The following TM9SF4 variants were observed in gnomAD, a reference collection of about 807,000 sequenced individuals.
The protein encoded by TM9SF4 is dinucleotide oxidase disulfide thiol exchanger 3 superfamily member 4.
TM9SF4 carries 26 observed loss-of-function variants against 90.4 expected under a neutral mutation model. The observed-to-expected ratio is 0.29, with a 90% CI of 0.21 to 0.40. The LOEUF (loss-of-function observed/expected upper bound fraction) is 0.40, where lower values mean the gene tolerates loss of function less well. Ranked by LOEUF, TM9SF4 falls within the 10% of genes least tolerant of loss-of-function variation. TM9SF4 has a pLI of 1.00. For synonymous variants in TM9SF4, 293 were observed against 315.4 expected, an observed-to-expected ratio of 0.93 and a Z score of 0.75; for missense variants, 549 against 834.8, an observed-to-expected ratio of 0.66 and a Z score of 4.22.
At chr20:32,154,381 T>A (rs1351374746) in intron 12 of TM9SF4, among the ~76,000 whole-genome samples, 2 of 152,094 alleles carry the variant, frequency 1.3e-5, no homozygotes, top group Admixed American at 1.3e-4. Flanking sequence ...GCTCAAGCGA[T>A]TCTGGAGGTA....
chr20:32,113,030 A>G (rs559731807), intron 1 of TM9SF4, among the ~76,000 whole-genome samples: 20 of 152,286 alleles, frequency 1.3e-4, no homozygotes, highest in Admixed American at 1.3e-3. Context: ...ACCCTCATAC[A>G]CACCCTCATT....
chr20:32,146,327 C>T (rs2046761981), intron 8 of TM9SF4, among the ~76,000 whole-genome samples: 2 of 152,144 alleles, frequency 1.3e-5, no homozygotes, highest in Admixed American at 6.6e-5. Context: ...CAGAGTGAGC[C>T]TCGAAGCACG....
chr20:32,150,838 C>T lies in TM9SF4; in HGVS notation c.1208C>T (p.Thr403Ile). 6.2e-7 allele frequency: 1 copy of T among 1,614,220 alleles called. No homozygotes were observed. Among genetic ancestry groups the T allele is most frequent in the Non-Finnish European group, 8.5e-7 (1 of 1,180,048 alleles). ...TTTTCTGCTGGCCGTCTGTACCGCA[C>T]TTTAAAAGGCCATCGGTGGAAGAAA... ...GGFSAGRLYR[T>I]LKGHRWKKGA... The change falls in exon 12 of 18, where the codon ACT becomes ATT. Residue 403 changes from threonine to isoleucine, a missense_variant. Physicochemically the swap from Thr to Ile is moderately conservative, Grantham distance 89. Transcript: ENST00000398022.
At chr20:32,150,328 C>A (rs2046823065) in intron 10 of TM9SF4, among the ~76,000 whole-genome samples, 1 of 152,234 alleles carries the variant, frequency 6.6e-6, no homozygotes, top group Non-Finnish European at 1.5e-5. Flanking sequence ...GTGGTGCCCT[C>A]AGCCCAGCAC....
At chr20:32,135,348 T>C (rs1422741244) in intron 2 of TM9SF4, among the ~76,000 whole-genome samples, 6 of 152,230 alleles carry the variant, frequency 3.9e-5, no homozygotes, top group Non-Finnish European at 5.9e-5. Flanking sequence ...ATTTAATGAG[T>C]ACCTACTTTG....
At chr20:32,136,739 T>G in intron 3 of TM9SF4, 1 of 411,100 alleles carries the variant, frequency 2.4e-6, no homozygotes, top group Non-Finnish European at 5.0e-6. Context: ...TTGACAGAAT[T>G]TCAGGTGTAG....
intron 12 of TM9SF4, among the ~76,000 whole-genome samples, chr20:32,151,698 T>G (rs2046843792): frequency 6.6e-6 from 1 of 152,150 alleles, no homozygotes; most frequent in Non-Finnish European, 1.5e-5. Flanking sequence ...TGTTTGTTTT[T>G]GAGATGGAGT....
chr20:32,112,609 G>A (rs2046160208), intron 1 of TM9SF4, among the ~76,000 whole-genome samples: 1 of 151,034 alleles, frequency 6.6e-6, no homozygotes, highest in South Asian at 2.1e-4. Context: ...CACAAGAATC[G>A]CTTGAACCCG....
At chr20:32,121,266 G>A (rs62204984) in intron 1 of TM9SF4, among the ~76,000 whole-genome samples, 51,864 of 147,948 alleles carry the variant, frequency 0.35, 10,345 homozygotes, top group East Asian at 0.74. Context: ...ATTTGGCAGG[G>A]TCATAGGACA....
chr20:32,143,436 T>C (rs979593444), intron 6 of TM9SF4, among the ~76,000 whole-genome samples: 1 of 152,156 alleles, frequency 6.6e-6, no homozygotes, highest in African/African-American at 2.4e-5. Context: ...TTGTTGGGCC[T>C]CCTCACAAGA....
chr20:32,136,088 C>T lies in TM9SF4; in HGVS notation c.144C>T (p.Thr48=). Residue 48 remains threonine (T), a synonymous_variant, in exon 3 of 18, where the codon ACC becomes ACT. Transcript: ENST00000398022. The stretch of plus-strand genomic sequence containing the variant: ...ATTCCCATCAGGCTGTGAAGCTCAC[C>T]AGCTCTCGAACCCAGCTACCTTATG... ...DPVEIKAVKL[T]SSRTQLPYEY... The T allele has an allele frequency of 6.2e-7, 1 of 1,614,122 alleles. No homozygotes were observed. Among genetic ancestry groups the T allele is most frequent in the Non-Finnish European group, 8.5e-7 (1 of 1,180,000 alleles).
At chr20:32,160,695 A>G (rs1224983653) in intron 16 of TM9SF4, among the ~76,000 whole-genome samples, 1 of 152,168 alleles carries the variant, frequency 6.6e-6, no homozygotes, top group African/African-American at 2.4e-5. Flanking sequence ...TCACGCCTGT[A>G]ATCCCAGCAT....
chr20:32,128,620 C>T (rs2046457703), intron 1 of TM9SF4, among the ~76,000 whole-genome samples: 2 of 152,162 alleles, frequency 1.3e-5, no homozygotes, highest in African/African-American at 4.8e-5. Context: ...TATTATTCCA[C>T]ACTGTGTGTC....
chr20:32,110,360 C>A (rs912917608), intron 1 of TM9SF4, among the ~76,000 whole-genome samples: 1 of 152,114 alleles, frequency 6.6e-6, no homozygotes, highest in African/African-American at 2.4e-5. Flanking sequence ...CCTGCCCTTC[C>A]TGTCTTCTCT....
At chr20:32,154,538 T>C (rs1445948857) in intron 12 of TM9SF4, among the ~76,000 whole-genome samples, 4 of 151,126 alleles carry the variant, frequency 2.6e-5, no homozygotes, top group African/African-American at 4.9e-5. Flanking sequence ...ACTGCAACCT[T>C]TGCCTCCCGG....
At position 32,141,531 on chromosome 20, in the gene TM9SF4, C is replaced by G; in HGVS notation, c.264C>G (p.Thr88=). The G allele has an allele frequency of 1.2e-6, 2 of 1,614,092 alleles. No individual in the cohort carries two copies. Among genetic ancestry groups the G allele is most frequent in the Non-Finnish European group, 1.7e-6 (2 of 1,180,034 alleles). ...EVLRGDRIVN[T]PFQVLMNSEK... ...TGAGAGGGGACCGGATTGTCAACAC[C>G]CCTTTCCAGGTTCTCATGAACAGCG... Residue 88 remains threonine (T), a synonymous_variant, in exon 4 of 18, where the codon ACC becomes ACG. Coordinates refer to ENST00000398022, the MANE Select transcript of TM9SF4 (RefSeq NM_014742.4).
At chr20:32,149,807 C>T in intron 10 of TM9SF4, 41 bp downstream of exon 10, 1 of 1,608,342 alleles carries the variant, frequency 6.2e-7, no homozygotes, top group Non-Finnish European at 8.5e-7. Context: ...GGCATGGCTT[C>T]CTCTTCCAGG....
chr20:32,132,116 A>G (rs2046525510), intron 1 of TM9SF4, among the ~76,000 whole-genome samples: 1 of 152,100 alleles, frequency 6.6e-6, no homozygotes, highest in Non-Finnish European at 1.5e-5. Flanking sequence ...AAATAAGGAG[A>G]TGTGCCATTG....
intron 17 of TM9SF4, among the ~76,000 whole-genome samples, chr20:32,162,430 C>T (rs1328311588): frequency 1.3e-5 from 2 of 152,206 alleles, no homozygotes; most frequent in African/African-American, 4.8e-5. Context: ...CTGCAGCCCG[C>T]GTGGGCCAGC....
Sources: allele counts gnomAD v4.1 joint callset (sites outside exome capture counted in the v4.1 genomes callset), GRCh38; gene constraint gnomAD v4.1.1; transcripts MANE v1.5; gene names NCBI Gene and HGNC (gene_info 2026-07-23, HGNC 2026-07-21).